Variants in RAB17 observed in about 807,000 individuals in gnomAD.
RAB17 encodes the protein RAB17, member RAS oncogene family.
In RAB17, 15 loss-of-function variants were observed where a neutral mutation model predicts 19.3. That is an observed-to-expected ratio of 0.78 (90% CI 0.52 to 1.20). The LOEUF (loss-of-function observed/expected upper bound fraction) is 1.20. RAB17 is among the 50% of genes most tolerant of loss of function. The pLI is 0.00. For synonymous variants in RAB17, 110 were observed against 112.8 expected (o/e 0.97, Z 0.16); for missense variants, 262 against 269.3 (o/e 0.97, Z 0.19).
At position 237,574,815 on chromosome 2, in the gene RAB17, C is replaced by G; in HGVS notation, c.*204G>C. 1.1e-6 allele frequency: 1 copy of G among 891,136 alleles called. No homozygotes were observed. The highest frequency in any genetic ancestry group is 2.7e-4 in the Middle Eastern group (1 of 3,686). 55.2% of individuals were successfully genotyped at this position (891,136 alleles called of 1,614,324 possible). On this transcript the variant is annotated 3_prime_UTR_variant, in exon 6 of 6. Coordinates refer to ENST00000264601, the MANE Select transcript of RAB17 (RefSeq NM_022449.4). ...GTATCAGTGGGGATAGGGCACAGCACTTTCCTGGGAGCCATGTGACGCCAG... is the reference window on the plus strand; with the variant it reads ...GTATCAGTGGGGATAGGGCACAGCAGTTTCCTGGGAGCCATGTGACGCCAG...
chr2:237,587,119 C>A (rs2081356861), intron 1 of RAB17, among the ~76,000 whole-genome samples: 3 of 152,152 alleles, frequency 2.0e-5, no homozygotes, highest in Admixed American at 2.0e-4. Context: ...TATTTTTTGG[C>A]AAGATTGCCA....
intron 2 of RAB17, among the ~76,000 whole-genome samples, chr2:237,583,046 G>A (rs1024551787): frequency 6.6e-6 from 1 of 152,346 alleles, no homozygotes; most frequent in Admixed American, 6.5e-5. Flanking sequence ...AGGATGCAAT[G>A]AGCCAAGGTT....
intron 1 of RAB17, among the ~76,000 whole-genome samples, chr2:237,587,696 A>G (rs531894474): frequency 1.3e-5 from 2 of 152,284 alleles, no homozygotes; most frequent in South Asian, 4.1e-4. Flanking sequence ...GGTTCCACAT[A>G]GTAGACTCGG....
At chr2:237,575,581 G>T in intron 4 of RAB17, 101 bp from the exon 5 acceptor site, 1 of 856,860 alleles carries the variant, frequency 1.2e-6, no homozygotes, top group Non-Finnish European at 1.9e-6. Flanking sequence ...CTGCAGCCGT[G>T]GAGCCCGCAC....
chr2:237,587,356 C>G (rs1256894942), intron 1 of RAB17, among the ~76,000 whole-genome samples: 1 of 152,206 alleles, frequency 6.6e-6, no homozygotes, highest in Non-Finnish European at 1.5e-5. Flanking sequence ...GTCCTGGGAA[C>G]AGAGTCTCTT....
intron 3 of RAB17, 84 bp from the exon 4 acceptor site, chr2:237,577,466 G>T: frequency 6.9e-7 from 1 of 1,446,234 alleles, no homozygotes; most frequent in South Asian, 1.3e-5. Flanking sequence ...CAGTGTTGCT[G>T]ATCACGTTGT....
intron 3 of RAB17, 72 bp from the exon 4 acceptor site, chr2:237,577,454 G>C: frequency 6.7e-7 from 1 of 1,485,514 alleles, no homozygotes; most frequent in Non-Finnish European, 9.1e-7. Context: ...GGAGGGGGAA[G>C]CCAGTGTTGC....
chr2:237,582,109 G>A lies in RAB17; in HGVS notation c.157+3889C>T, dbSNP rs1288731521. The stretch of plus-strand genomic sequence containing the variant: ...ACTCCCGTCCCTCGGACTCCCGTCC[G>A]TTCTGCCTCTGCTCCTGCCTGCTCT... On this transcript the variant is annotated intron_variant, in intron 2 of 5. Transcript: ENST00000264601. 4.6e-5 allele frequency among the ~76,000 whole-genome samples: 7 copies of A among 152,334 alleles called. No individual in the cohort carries two copies. The East Asian group carries it at 1.2e-3, about 25-fold the overall frequency.
chr2:237,574,546 T>C lies in RAB17; in HGVS notation c.*473A>G, dbSNP rs1190427495. The C allele has an allele frequency of 6.5e-6, 10 of 1,550,252 alleles. No individual in the cohort carries two copies. The East Asian group carries it at 2.2e-4, about 34-fold the overall frequency. On this transcript the variant is annotated 3_prime_UTR_variant, in exon 6 of 6. Transcript: ENST00000264601. ...TGGAAATCCTGGGCCCACCCCACAG[T>C]CAGTCATCGCTCCATTTCTTCCTGG...
At chr2:237,583,195 G>A (rs2081321451) in intron 2 of RAB17, among the ~76,000 whole-genome samples, 1 of 152,122 alleles carries the variant, frequency 6.6e-6, no homozygotes, top group South Asian at 2.1e-4. Flanking sequence ...AAAATTAGCT[G>A]GCTATGGTGG....
chr2:237,577,736 C>T, intron 3 of RAB17: 3 of 484,812 alleles, frequency 6.2e-6, no homozygotes, highest in Non-Finnish European at 1.1e-5. Flanking sequence ...GGGGGACTGG[C>T]CACCACCCCA....
At chr2:237,577,129 G>A in intron 4 of RAB17, 128 bp downstream of exon 4, 12 of 1,132,504 alleles carry the variant, frequency 1.1e-5, no homozygotes, top group Non-Finnish European at 1.5e-5. Flanking sequence ...AGAGGTGTGT[G>A]TGCACATGTG....
intron 2 of RAB17, among the ~76,000 whole-genome samples, chr2:237,583,987 C>T (rs1327893373): frequency 4.6e-5 from 7 of 151,652 alleles, no homozygotes; most frequent in South Asian, 2.1e-4. Context: ...GTTCACCCCC[C>T]GACCCTGGTA....
At chr2:237,580,757 G>C (rs370568871) in intron 2 of RAB17, among the ~76,000 whole-genome samples, 56 of 151,810 alleles carry the variant, frequency 3.7e-4, no homozygotes, top group African/African-American at 1.1e-3. Context: ...AAAAAAGAAG[G>C]GGGGGGAGGA....
chr2:237,574,589 G>C lies in RAB17; in HGVS notation c.*430C>G. The C allele has an allele frequency of 6.5e-7, 1 of 1,545,642 alleles. No individual in the cohort carries two copies. Among genetic ancestry groups the C allele is most frequent in the Non-Finnish European group, 8.7e-7 (1 of 1,144,286 alleles). On this transcript the variant is annotated 3_prime_UTR_variant, in exon 6 of 6. Transcript: ENST00000264601. ...CTTCCTGGCACCACCACCTCCATCT[G>C]GCCTGCTCCCCAACCCCCCAGAAGC...
intron 1 of RAB17, among the ~76,000 whole-genome samples, chr2:237,586,812 C>A (rs192165177): frequency 6.6e-6 from 1 of 152,306 alleles, no homozygotes; most frequent in East Asian, 1.9e-4. Flanking sequence ...GGCCCATAGA[C>A]CCACCTCCCG....
chr2:237,575,504 C>A, intron 4 of RAB17, 24 bp from the exon 5 acceptor site: 1 of 1,570,532 alleles, frequency 6.4e-7, no homozygotes, highest in Non-Finnish European at 8.7e-7. Context: ...CCACAAAATC[C>A]AGCGCTGTTT....
chr2:237,587,475 C>T (rs905968762), intron 1 of RAB17, among the ~76,000 whole-genome samples: 10 of 152,184 alleles, frequency 6.6e-5, no homozygotes, highest in Non-Finnish European at 1.5e-4. Flanking sequence ...AGCCCACATG[C>T]CCTCACTGCC....
At chr2:237,589,666 C>T (rs2081377877) in intron 1 of RAB17, among the ~76,000 whole-genome samples, 1 of 152,020 alleles carries the variant, frequency 6.6e-6, no homozygotes, top group Admixed American at 6.6e-5. Context: ...GGCACCTGAC[C>T]CCCACCTCCA....
Sources: allele counts gnomAD v4.1 joint callset (sites outside exome capture counted in the v4.1 genomes callset), GRCh38; gene constraint gnomAD v4.1.1; transcripts MANE v1.5; gene names NCBI Gene and HGNC (gene_info 2026-07-23, HGNC 2026-07-21).